USP9X: variants seen among roughly 807,000 people sequenced by gnomAD.
USP9X encodes the protein ubiquitin carboxyl-terminal hydrolase 9X.
USP9X carries 7 observed loss-of-function variants against 190.3 expected under a neutral mutation model. The observed-to-expected ratio is 0.04, with a 90% confidence interval of 0.02 to 0.07. The LOEUF (loss-of-function observed/expected upper bound fraction) is 0.07. Among genes scored for constraint, USP9X ranks in the 10% least tolerant of loss-of-function variants. The pLI is 1.00. For missense variants in USP9X, 1,010 were observed against 1,916.9 expected, an observed-to-expected ratio of 0.53 and a Z score of 8.83; for synonymous variants, 645 against 659.5, an observed-to-expected ratio of 0.98 and a Z score of 0.34.
intron 33 of USP9X, among the ~76,000 whole-genome samples, chrX:41,211,247 T>C (rs1319152201): frequency 8.9e-6 from 1 of 112,240 alleles, no homozygotes; most frequent in Non-Finnish European, 1.9e-5. Flanking sequence ...CACCTCAACT[T>C]CCCAAAGTGT....
chrX:41,229,191 A>T, intron 41 of USP9X, 62 bp from the exon 42 acceptor site: 1 of 878,307 alleles, frequency 1.1e-6, no homozygotes, highest in Non-Finnish European at 1.6e-6. Flanking sequence ...CATAGTAGGC[A>T]CTCAGTATAT....
chrX:41,106,976 G>A (rs1191082580), intron 1 of USP9X, among the ~76,000 whole-genome samples: 2 of 98,342 alleles, frequency 2.0e-5, no homozygotes, highest in South Asian at 4.9e-4. Context: ...AACCTCTGCC[G>A]CCTGGGTTCA....
chrX:41,164,458 TTA>T (rs2062662015), intron 15 of USP9X, among the ~76,000 whole-genome samples: 1 of 111,425 alleles, frequency 9.0e-6, no homozygotes, highest in African/African-American at 3.3e-5. Flanking sequence ...TTGGCATGTG[TTA>T]TATGTCTCTT....
chrX:41,197,331 T>TGGGGGGGGGGGGGGG, intron 28 of USP9X, 33 bp from the exon 29 acceptor site: 3 of 486,754 alleles, frequency 6.2e-6, no homozygotes, highest in African/African-American at 2.9e-5. Context: ...TTTGATTTCT[T>TGGGGGGGGGGGGGGG]CCCCCCCCCA....
intron 21 of USP9X, among the ~76,000 whole-genome samples, chrX:41,181,435 CTTTTTTTTTTTTTT>C (rs200403625): frequency 2.1e-4 from 8 of 38,575 alleles, no homozygotes; most frequent in East Asian, 7.0e-4. Context: ...CCACACCTGA[CTTTTTTTTTTTTTT>C]TTTTTTTTTT....
Position 41,216,284 on chromosome X carries a change from C to T in USP9X, c.5717C>T (p.Thr1906Ile), listed in dbSNP as rs2147245804. 8.3e-7 allele frequency: 1 copy of T among 1,211,512 alleles called. No individual in the cohort carries two copies. The highest frequency in any genetic ancestry group is 1.1e-6 in the Non-Finnish European group (1 of 895,536). Residue 1906 changes from threonine to isoleucine, a missense_variant, in exon 35 of 45, where the codon ACA (threonine) becomes ATA (isoleucine). Transcript: ENST00000378308. ...RWYKFDDGDV[T>I]ECKMDDDEEM... ...TATAAATTTGATGATGGTGATGTAA[C>T]AGAATGTAAAATGGATGATGACGAA...
chrX:41,098,661 T>G (rs192637805), intron 1 of USP9X, among the ~76,000 whole-genome samples: 1 of 108,769 alleles, frequency 9.2e-6, no homozygotes, highest in Admixed American at 9.9e-5. Context: ...GTTCAAGTGA[T>G]TCTCTTGTTT....
intron 1 of USP9X, among the ~76,000 whole-genome samples, chrX:41,087,571 C>T (rs1034172156): frequency 1.1e-4 from 12 of 112,626 alleles, no homozygotes; most frequent in African/African-American, 3.9e-4. Context: ...AACTCATGTG[C>T]TGTGTCATAC....
chrX:41,109,261 C>T (rs971946587), intron 1 of USP9X, among the ~76,000 whole-genome samples: 7 of 111,801 alleles, frequency 6.3e-5, no homozygotes, highest in Non-Finnish European at 1.1e-4. Context: ...AGAGCATTTA[C>T]GGAGCCTTTG....
chrX:41,136,608 CT>C (rs2062375621), intron 5 of USP9X, among the ~76,000 whole-genome samples, 195 bp from the exon 6 acceptor site: 2 of 112,069 alleles, frequency 1.8e-5, no homozygotes, highest in South Asian at 7.4e-4. Context: ...TAGCAAATGG[CT>C]TTTGAAAGTA....
chrX:41,166,667 A>G (rs1000181569), intron 16 of USP9X, among the ~76,000 whole-genome samples: 1 of 111,871 alleles, frequency 8.9e-6, no homozygotes, highest in African/African-American at 3.2e-5. Context: ...ACCTGGGGGA[A>G]TAAAATACTA....
At chrX:41,184,861 G>A (rs2062859846) in intron 23 of USP9X, 186 bp downstream of exon 23, 1 of 390,238 alleles carries the variant, frequency 2.6e-6, no homozygotes, top group East Asian at 4.2e-5. Flanking sequence ...GATAATCTGA[G>A]GGTAGTTTCT....
chrX:41,185,833 A>C (rs961473616), intron 23 of USP9X, among the ~76,000 whole-genome samples: 1 of 111,419 alleles, frequency 9.0e-6, no homozygotes, highest in Admixed American at 9.6e-5. Flanking sequence ...CTATGGATAC[A>C]GAGGTACATA....
At chrX:41,139,652 T>C (rs2062405135) in intron 6 of USP9X, among the ~76,000 whole-genome samples, 1 of 112,308 alleles carries the variant, frequency 8.9e-6, no homozygotes, top group African/African-American at 3.2e-5. Flanking sequence ...AGAGTAAAAC[T>C]CCATCTCAAA....
chrX:41,106,257 GTT>G (rs755680797), intron 1 of USP9X, among the ~76,000 whole-genome samples: 9 of 111,090 alleles, frequency 8.1e-5, no homozygotes, highest in African/African-American at 2.9e-4. Context: ...GAGTTCTATA[GTT>G]TTTTTATCTT....
At chrX:41,207,233 C>T (rs1325813926) in intron 32 of USP9X, among the ~76,000 whole-genome samples, 1 of 107,779 alleles carries the variant, frequency 9.3e-6, no homozygotes, top group East Asian at 2.9e-4. Flanking sequence ...GGACGACAGG[C>T]CCACCACACC....
At position 41,186,690 on chromosome X, in the gene USP9X, A is replaced by G. The variant is rs755265070; in HGVS notation, c.3684+48A>G. 2.5e-6 allele frequency: 3 copies of G among 1,180,188 alleles called. No individual in the cohort carries two copies. The Admixed American group carries it at 6.6e-5, about 26-fold the overall frequency. On this transcript the variant is annotated intron_variant, in intron 24 of 44. Coordinates refer to ENST00000378308, the MANE Select transcript of USP9X (RefSeq NM_001039591.3). ...TCACAATTTTAACTTTCCTAGGCCC[A>G]CTTATTTTAATCACTGTCTCATTCT... is the stretch of plus-strand genomic sequence containing the variant.
intron 1 of USP9X, among the ~76,000 whole-genome samples, chrX:41,103,807 A>G (rs111246451): frequency 0.014 from 1,584 of 111,760 alleles, 16 homozygotes; most frequent in Non-Finnish European, 0.022. Context: ...AGCATTTGGC[A>G]TTAGGTGACT....
chrX:41,171,617 G>A (rs2062726260), intron 20 of USP9X: 1 of 441,207 alleles, frequency 2.3e-6, no homozygotes, highest in African/African-American at 2.4e-5. Context: ...GAACAGGAGA[G>A]GAGCTATCAC....
Sources: gnomAD v4.1 joint callset for allele counts (sites outside exome capture counted in the v4.1 genomes callset) on GRCh38, gnomAD v4.1.1 for gene constraint, MANE v1.5 for transcripts, NCBI Gene and HGNC (gene_info 2026-07-23, HGNC 2026-07-21) for gene names.